The following WDSUB1 variants were observed in gnomAD, a reference collection of about 807,000 sequenced individuals.
WDSUB1 encodes WD repeat, SAM and U-box domain-containing protein 1.
A neutral mutation model predicts 53.9 loss-of-function variants in WDSUB1; 49 were observed. That is an observed-to-expected ratio of 0.91 (90% CI 0.72 to 1.15). The LOEUF is 1.15. WDSUB1 is among the 50% of genes most tolerant of loss of function. WDSUB1 has a pLI of 0.00. For synonymous variants in WDSUB1, 194 were observed against 200.6 expected (o/e 0.97, Z 0.28); for missense variants, 514 against 562.0 (o/e 0.91, Z 0.86).
intron 3 of WDSUB1, among the ~76,000 whole-genome samples, chr2:159,277,276 T>A (rs910483272): frequency 1.3e-5 from 2 of 152,238 alleles, no homozygotes; most frequent in African/African-American, 4.8e-5. Context: ...CTAAGAGAGA[T>A]CTTGAGGGAT....
At chr2:159,265,094 A>C (rs1035441770) in intron 5 of WDSUB1, among the ~76,000 whole-genome samples, 22 of 145,694 alleles carry the variant, frequency 1.5e-4, no homozygotes, top group African/African-American at 5.8e-4. Flanking sequence ...CAAAAAAAAA[A>C]AAAAATAAAA....
At chr2:159,260,029 C>T (rs758442744) in intron 5 of WDSUB1, among the ~76,000 whole-genome samples, 186 bp from the exon 6 acceptor site, 2 of 152,154 alleles carry the variant, frequency 1.3e-5, no homozygotes, top group Admixed American at 6.5e-5. Flanking sequence ...CGTGGCCAGG[C>T]GCAGCGGCTC....
intron 2 of WDSUB1, among the ~76,000 whole-genome samples, chr2:159,281,453 A>T (rs2061661523): frequency 6.6e-6 from 1 of 152,178 alleles, no homozygotes; most frequent in Admixed American, 6.5e-5. Flanking sequence ...ATATAAATAA[A>T]TGTGAATAGT....
intron 5 of WDSUB1, among the ~76,000 whole-genome samples, chr2:159,268,687 GA>G (rs2061391009): frequency 6.6e-6 from 1 of 152,164 alleles, no homozygotes; most frequent in Non-Finnish European, 1.5e-5. Flanking sequence ...TAATGGCAAG[GA>G]GAAAATATAC....
In WDSUB1 at chr2:159,275,619, C is replaced by T. The variant is rs766022167; in HGVS notation, c.603G>A (p.Gln201=). The part of the protein sequence containing the change: ...QPVSDGEQGL[Q]FFRLASCGQD... ...GACCACATGATGCCAGTCGAAAAAA[C>T]TGAAGACCTTGTTCTCCATCTAAAA... The change falls in exon 4 of 11, where the codon CAG becomes CAA. Residue 201 remains glutamine, a synonymous_variant. Transcript: ENST00000359774. 3.1e-6 allele frequency: 5 copies of T among 1,603,306 alleles called. No homozygotes were observed. The highest frequency in any genetic ancestry group is 2.3e-5 in the South Asian group (2 of 88,006).
intron 5 of WDSUB1, among the ~76,000 whole-genome samples, chr2:159,271,409 T>C (rs1384231397): frequency 6.6e-6 from 1 of 152,124 alleles, no homozygotes; most frequent in Admixed American, 6.6e-5. Flanking sequence ...ATAATATGAA[T>C]TAATGTCACA....
At chr2:159,280,886 A>G (rs2061650784) in intron 2 of WDSUB1, among the ~76,000 whole-genome samples, 1 of 152,154 alleles carries the variant, frequency 6.6e-6, no homozygotes, top group Non-Finnish European at 1.5e-5. Context: ...TGTCCCATCC[A>G]GCAGGGTATC....
intron 5 of WDSUB1, among the ~76,000 whole-genome samples, chr2:159,266,409 TG>T (rs1480371925): frequency 1.3e-5 from 2 of 152,126 alleles, no homozygotes; most frequent in Non-Finnish European, 2.9e-5. Flanking sequence ...AGGATGGTCT[TG>T]ATCTCCTGAC....
At chr2:159,274,495 A>G (rs538292321) in intron 4 of WDSUB1, among the ~76,000 whole-genome samples, 3 of 152,194 alleles carry the variant, frequency 2.0e-5, no homozygotes, top group Non-Finnish European at 4.4e-5. Flanking sequence ...GAACTGACTG[A>G]CTGTATACAG....
intron 9 of WDSUB1, among the ~76,000 whole-genome samples, chr2:159,250,186 G>GTC (rs1371918988): frequency 1.3e-5 from 2 of 151,904 alleles, no homozygotes. Context: ...GAGTCAGTCA[G>GTC]GGCTCATTGC....
chr2:159,241,881 C>CA (rs1281795501), intron 10 of WDSUB1, among the ~76,000 whole-genome samples: 9 of 141,978 alleles, frequency 6.3e-5, no homozygotes, highest in Non-Finnish European at 1.3e-4. Flanking sequence ...GGTAAGCTGG[C>CA]AAAAAAATGG....
At chr2:159,280,709 A>AAAAAAAAAAAAAAAAAACC (rs2061646800) in intron 2 of WDSUB1, among the ~76,000 whole-genome samples, 1 of 140,714 alleles carries the variant, frequency 7.1e-6, no homozygotes, top group African/African-American at 2.9e-5. Context: ...AAAAAAAAAA[A>AAAAAAAAAAAAAAAAAACC]TTACCCAGAA....
intron 9 of WDSUB1, among the ~76,000 whole-genome samples, chr2:159,249,984 GAGGCTA>G (rs1477778173): frequency 1.6e-4 from 24 of 151,536 alleles, no homozygotes; most frequent in Admixed American, 4.6e-4. Context: ...AGCTACTCGG[GAGGCTA>G]AGGCAGGAAC....
At chr2:159,280,708 A>AAAAAAACAAAAAAAACAAAAC (rs111752652) in intron 2 of WDSUB1, among the ~76,000 whole-genome samples, 1 of 134,322 alleles carries the variant, frequency 7.4e-6, no homozygotes, top group African/African-American at 3.4e-5. Context: ...AAAAAAAAAA[A>AAAAAAACAAAAAAAACAAAAC]ATTACCCAGA....
Position 159,275,619 on chromosome 2 carries a change from C to A in WDSUB1, c.603G>T (p.Gln201His). 11 of 1,603,306 alleles carry A rather than the reference C, an allele frequency of 6.9e-6. No homozygotes were observed. The highest frequency in any genetic ancestry group is 9.3e-6 in the Non-Finnish European group (11 of 1,177,174). The change falls in exon 4 of 11, where the codon CAG becomes CAT. Residue 201 changes from glutamine to histidine, a missense_variant. Transcript: ENST00000359774. ...GACCACATGATGCCAGTCGAAAAAA[C>A]TGAAGACCTTGTTCTCCATCTAAAA... ...QPVSDGEQGL[Q>H]FFRLASCGQD...
intron 5 of WDSUB1, among the ~76,000 whole-genome samples, chr2:159,260,130 A>C (rs2061157661): frequency 6.6e-6 from 1 of 152,056 alleles, no homozygotes. Flanking sequence ...GGTGAAACCC[A>C]TGTCTACTAA....
At chr2:159,252,349 C>T (rs2060968557) in intron 9 of WDSUB1, among the ~76,000 whole-genome samples, 1 of 152,056 alleles carries the variant, frequency 6.6e-6, no homozygotes, top group Non-Finnish European at 1.5e-5. Flanking sequence ...TCCAACAAAA[C>T]AAGATAGCAA....
intron 10 of WDSUB1, among the ~76,000 whole-genome samples, chr2:159,245,973 C>T (rs1373526752): frequency 1.3e-5 from 2 of 152,082 alleles, no homozygotes; most frequent in Non-Finnish European, 2.9e-5. Context: ...AATACATTAC[C>T]TTACAAAAGA....
In WDSUB1 at chr2:159,257,751, T is replaced by A. The variant is rs749703767; in HGVS notation, c.952+7A>T. On this transcript the variant is annotated splice_region_variant and intron_variant, in intron 8 of 10. Transcript: ENST00000359774. ...TGAAATGAGTGAAAAATGATGTCCT[T>A]ACTAACCTTGGCAAAGTGTTTCCAG... 5.8e-5 allele frequency: 93 copies of A among 1,611,262 alleles called. No individual in the cohort carries two copies. The Admixed American group carries it at 1.6e-3, about 27-fold the overall frequency.
Sources: allele counts gnomAD v4.1 joint callset (sites outside exome capture counted in the v4.1 genomes callset), GRCh38; gene constraint gnomAD v4.1.1; transcripts MANE v1.5; gene names NCBI Gene and HGNC (gene_info 2026-07-23, HGNC 2026-07-21).